The following BLVRA variants were observed in gnomAD, a reference collection of about 807,000 sequenced individuals.
The protein encoded by BLVRA is BVR A.
BLVRA carries 22 observed loss-of-function variants against 32.8 expected under a neutral mutation model. That is an observed-to-expected ratio of 0.67 (90% confidence interval 0.48 to 0.96). The LOEUF is 0.96. Ranked by LOEUF, BLVRA falls within the 40% of genes least tolerant of loss-of-function variation. The probability of loss-of-function intolerance (pLI) is 0.00; values close to 1 mark genes in which losing one functional copy is unlikely to be tolerated. For synonymous variants in BLVRA, 119 were observed against 141.3 expected (o/e 0.84, Z 1.12); for missense variants, 323 against 358.1 (o/e 0.90, Z 0.79).
intron 2 of BLVRA, among the ~76,000 whole-genome samples, chr7:43,784,220 G>A (rs1451928557): frequency 1.3e-5 from 2 of 152,138 alleles, no homozygotes; most frequent in African/African-American, 2.4e-5. Flanking sequence ...TTTCCCAAAG[G>A]TTCAGGATAG....
At chr7:43,781,873 G>A (rs753081094) in intron 2 of BLVRA, among the ~76,000 whole-genome samples, 10 of 152,128 alleles carry the variant, frequency 6.6e-5, no homozygotes, top group Non-Finnish European at 1.5e-4. Flanking sequence ...GCATCACAGA[G>A]ATCTAAGCCC....
chr7:43,791,566 T>C, intron 4 of BLVRA, 198 bp downstream of exon 4: 1 of 588,582 alleles, frequency 1.7e-6, no homozygotes, highest in Non-Finnish European at 3.0e-6. Flanking sequence ...AAGTGAAAAA[T>C]AGTAAAATTA....
intron 1 of BLVRA, among the ~76,000 whole-genome samples, chr7:43,769,638 A>G (rs2095752202): frequency 6.8e-6 from 1 of 147,664 alleles, no homozygotes; most frequent in Non-Finnish European, 1.5e-5. Context: ...ACAGAGTCTC[A>G]CTCTGTCGCC....
intron 2 of BLVRA, among the ~76,000 whole-genome samples, chr7:43,779,108 G>C (rs559471164): frequency 6.6e-6 from 1 of 152,312 alleles, no homozygotes; most frequent in East Asian, 1.9e-4. Context: ...TGCGCTTCCC[G>C]AGTGAGGCAC....
At chr7:43,798,197 C>CCAAAAAAAA (rs1377160080) in intron 5 of BLVRA, among the ~76,000 whole-genome samples, 1 of 45,206 alleles carries the variant, frequency 2.2e-5, no homozygotes, top group East Asian at 9.0e-4. Context: ...CCCCATCTCA[C>CCAAAAAAAA]AAAAAAAAAA....
upstream of BLVRA, among the ~76,000 whole-genome samples, chr7:43,758,188 C>T (rs543033086): frequency 6.6e-5 from 10 of 152,340 alleles, no homozygotes; most frequent in Admixed American, 3.3e-4. Context: ...ATATTCCCTC[C>T]GCTCCTCACA....
intron 5 of BLVRA, among the ~76,000 whole-genome samples, chr7:43,796,116 T>G (rs1366179897): frequency 8.7e-6 from 1 of 114,776 alleles, no homozygotes; most frequent in Non-Finnish European, 1.7e-5. Context: ...CGAGACTCTG[T>G]CTCACAAAAA....
At chr7:43,772,943 C>T (rs2095756231) in intron 2 of BLVRA, among the ~76,000 whole-genome samples, 2 of 152,130 alleles carry the variant, frequency 1.3e-5, no homozygotes, top group Non-Finnish European at 2.9e-5. Flanking sequence ...ATACCCTTCT[C>T]CTCTGAAACT....
chr7:43,765,646 T>G (rs1326376484), intron 1 of BLVRA, among the ~76,000 whole-genome samples: 1 of 152,214 alleles, frequency 6.6e-6, no homozygotes, highest in East Asian at 1.9e-4. Flanking sequence ...ATGTATAAAT[T>G]TGATGCAATC....
At chr7:43,772,357 T>C (rs184019814) in intron 2 of BLVRA, among the ~76,000 whole-genome samples, 257 of 152,344 alleles carry the variant, frequency 1.7e-3, no homozygotes, top group African/African-American at 5.6e-3. Context: ...GAGCCTTTAT[T>C]TGAAGCCCCA....
intron 1 of BLVRA, chr7:43,767,347 G>A (rs1283482027): frequency 6.3e-7 from 1 of 1,594,728 alleles, no homozygotes; most frequent in Non-Finnish European, 8.6e-7. Flanking sequence ...GTTCGGAAAA[G>A]AAAGCTCATT....
chr7:43,762,021 C>A (rs2095742846), intron 1 of BLVRA, among the ~76,000 whole-genome samples: 1 of 152,106 alleles, frequency 6.6e-6, no homozygotes, highest in Admixed American at 6.5e-5. Context: ...TGGCAGCTGG[C>A]CCCACCTGAG....
At chr7:43,798,118 C>T (rs1014082073) in intron 5 of BLVRA, among the ~76,000 whole-genome samples, 4 of 136,980 alleles carry the variant, frequency 2.9e-5, no homozygotes, top group African/African-American at 1.1e-4. Context: ...TTCTTGAACC[C>T]GGGAGGCACA....
At chr7:43,777,876 G>A (rs764914750) in intron 2 of BLVRA, among the ~76,000 whole-genome samples, 5 of 151,914 alleles carry the variant, frequency 3.3e-5, no homozygotes, top group African/African-American at 7.3e-5. Context: ...TTCCCTTCTC[G>A]CTTCATTTCA....
intron 5 of BLVRA, among the ~76,000 whole-genome samples, chr7:43,796,121 C>CA (rs371922009): frequency 0.23 from 15,038 of 66,798 alleles, 1,031 homozygotes; most frequent in Admixed American, 0.31. Context: ...CTCTGTCTCA[C>CA]AAAAAAAAAA....
chr7:43,780,894 C>T (rs1236567678), intron 2 of BLVRA, among the ~76,000 whole-genome samples: 1 of 152,240 alleles, frequency 6.6e-6, no homozygotes. Flanking sequence ...TGCCTGTAAT[C>T]CCAAAACTTT....
chr7:43,761,128 CT>C (rs1001029462), intron 1 of BLVRA, among the ~76,000 whole-genome samples: 64 of 152,170 alleles, frequency 4.2e-4, no homozygotes, highest in African/African-American at 1.5e-3. Context: ...CTAGATCTGC[CT>C]TATGGTCAGA....
chr7:43,791,350 G>T lies in BLVRA; in HGVS notation c.236G>T (p.Ser79Ile). The change falls in exon 4 of 8, where the codon AGC (serine) becomes ATC (isoleucine). Residue 79 changes from serine to isoleucine, a missense_variant. Ser to Ile is a moderately radical substitution (Grantham distance 142). Transcript: ENST00000265523. ...EVAYICSESS[S>I]HEDYIRQFLN... ...GCCTATATCTGCAGTGAGAGCTCCAGCCATGAGGACTACATCAGGTGGGTT... is the reference window on the plus strand; with the variant it reads ...GCCTATATCTGCAGTGAGAGCTCCATCCATGAGGACTACATCAGGTGGGTT... 6.2e-7 allele frequency: 1 copy of T among 1,614,150 alleles called. No individual in the cohort carries two copies. Among genetic ancestry groups the T allele is most frequent in the South Asian group, 1.1e-5 (1 of 91,088 alleles).
At chr7:43,758,612 C>G (rs1258256072), upstream of BLVRA, 1 of 154,304 alleles carries the variant, frequency 6.5e-6, no homozygotes, top group African/African-American at 2.4e-5. Context: ...CCCTCCCGGT[C>G]TCCGCCACCC....
Sources: allele counts gnomAD v4.1 joint callset (sites outside exome capture counted in the v4.1 genomes callset), GRCh38; gene constraint gnomAD v4.1.1; transcripts MANE v1.5; gene names NCBI Gene and HGNC (gene_info 2026-07-23, HGNC 2026-07-21).